SLC4A4: variants seen among roughly 807,000 people sequenced by gnomAD.
The protein encoded by SLC4A4 is electrogenic sodium bicarbonate cotransporter 1.
SLC4A4 carries 27 observed loss-of-function variants against 111.5 expected under a neutral mutation model. The ratio of observed to expected loss-of-function variants is 0.24; its 90% CI spans 0.18 to 0.33. The LOEUF (loss-of-function observed/expected upper bound fraction) is 0.33. Among genes scored for constraint, SLC4A4 ranks in the 10% least tolerant of loss-of-function variants. The pLI is 1.00. For synonymous variants in SLC4A4, 443 were observed against 463.4 expected (o/e 0.96, Z 0.57); for missense variants, 909 against 1,315.5 (o/e 0.69, Z 4.78).
intron 8 of SLC4A4, among the ~76,000 whole-genome samples, chr4:71,443,265 C>T (rs138395287): frequency 1.5e-4 from 22 of 151,144 alleles, no homozygotes; most frequent in African/African-American, 4.9e-4. Context: ...ATTCTCCTGC[C>T]TCAACCTCCT....
intron 4 of SLC4A4, among the ~76,000 whole-genome samples, chr4:71,341,751 C>G (rs1306011244): frequency 1.3e-5 from 2 of 151,970 alleles, no homozygotes; most frequent in East Asian, 3.9e-4. Context: ...ATTTTTAATA[C>G]TGGAGAAGCT....
chr4:71,543,885 A>G (rs1236043286), intron 18 of SLC4A4, among the ~76,000 whole-genome samples: 1 of 116,712 alleles, frequency 8.6e-6, no homozygotes, highest in African/African-American at 3.1e-5. Flanking sequence ...CTGTGAATTT[A>G]CAATAAAGTG....
intron 2 of SLC4A4, among the ~76,000 whole-genome samples, chr4:71,148,775 C>T (rs923299452): frequency 3.9e-5 from 6 of 152,180 alleles, no homozygotes; most frequent in Non-Finnish European, 7.4e-5. Flanking sequence ...ATGTGTACCA[C>T]ATTTCCTTTA....
chr4:71,345,670 A>C (rs1029540766), intron 4 of SLC4A4, among the ~76,000 whole-genome samples: 6 of 152,054 alleles, frequency 3.9e-5, no homozygotes, highest in African/African-American at 1.4e-4. Flanking sequence ...AAGCACCAAC[A>C]TGTGCACTTA....
At chr4:71,309,622 C>T (rs1045621149) in intron 3 of SLC4A4, among the ~76,000 whole-genome samples, 2 of 152,098 alleles carry the variant, frequency 1.3e-5, no homozygotes, top group African/African-American at 4.8e-5. Flanking sequence ...AAACAAGAAG[C>T]AATAACGTCA....
At chr4:71,103,325 G>C (rs1248809087) in intron 2 of SLC4A4, among the ~76,000 whole-genome samples, 1 of 152,066 alleles carries the variant, frequency 6.6e-6, no homozygotes, top group Non-Finnish European at 1.5e-5. Flanking sequence ...AATAATGGGA[G>C]ACTTTAACAT....
intron 1 of SLC4A4, among the ~76,000 whole-genome samples, chr4:71,082,344 C>A (rs987800054): frequency 1.3e-5 from 2 of 151,100 alleles, no homozygotes; most frequent in Non-Finnish European, 3.0e-5. Flanking sequence ...CTGTCCCCCC[C>A]ACCACTATAG....
At chr4:71,306,050 C>T (rs1725658962) in intron 3 of SLC4A4, among the ~76,000 whole-genome samples, 1 of 152,200 alleles carries the variant, frequency 6.6e-6, no homozygotes, top group Non-Finnish European at 1.5e-5. Context: ...GCAAGCTGGA[C>T]TTGTTTTCAA....
intron 2 of SLC4A4, among the ~76,000 whole-genome samples, chr4:71,156,266 G>A (rs1361960801): frequency 6.6e-6 from 1 of 151,964 alleles, no homozygotes; most frequent in Admixed American, 6.6e-5. Context: ...ACCTCAGAAA[G>A]GTTTTTTGAT....
intron 1 of SLC4A4, among the ~76,000 whole-genome samples, chr4:71,066,217 G>A (rs1741512771): frequency 6.6e-6 from 1 of 152,170 alleles, no homozygotes; most frequent in Non-Finnish European, 1.5e-5. Context: ...ATAATGCTGA[G>A]ATTTGAACCA....
chr4:71,158,963 C>G (rs867039590), intron 2 of SLC4A4, among the ~76,000 whole-genome samples: 1 of 152,102 alleles, frequency 6.6e-6, no homozygotes, highest in Admixed American at 6.6e-5. Context: ...CATGAAATAC[C>G]TGGGTGGATT....
At chr4:71,149,391 A>T (rs1283408789) in intron 2 of SLC4A4, among the ~76,000 whole-genome samples, 2 of 152,138 alleles carry the variant, frequency 1.3e-5, no homozygotes, top group East Asian at 1.9e-4. Flanking sequence ...GGCATTGATT[A>T]AAAAAGGTTA....
chr4:71,137,406 G>A (rs1351160989), intron 2 of SLC4A4, among the ~76,000 whole-genome samples: 1 of 152,242 alleles, frequency 6.6e-6, no homozygotes, highest in Non-Finnish European at 1.5e-5. Flanking sequence ...GGCATGGAAA[G>A]TGGTGCTTAG....
At chr4:71,361,224 T>A (rs1286304863) in intron 6 of SLC4A4, among the ~76,000 whole-genome samples, 1 of 152,230 alleles carries the variant, frequency 6.6e-6, no homozygotes, top group Non-Finnish European at 1.5e-5. Context: ...ATAAATATGG[T>A]TCTTTCCCCT....
chr4:71,402,751 T>C lies in SLC4A4; in HGVS notation c.807+5098T>C, dbSNP rs536162951. ...TCTCTCTGGCTCAGCACCTACAGCTTTCCTTCAGCCAGGTGTCCCTGAGGG... is the reference window on the plus strand; with the variant it reads ...TCTCTCTGGCTCAGCACCTACAGCTCTCCTTCAGCCAGGTGTCCCTGAGGG... On this transcript the variant is annotated intron_variant, in intron 7 of 25. Coordinates refer to ENST00000264485, the MANE Select transcript of SLC4A4 (RefSeq NM_001098484.3). Among the ~76,000 whole-genome samples the C allele has an allele frequency of 4.6e-5, 7 of 152,310 alleles. No individual in the cohort carries two copies. In the South Asian group the frequency reaches 1.5e-3, roughly 32 times the overall value.
At chr4:71,531,987 T>C in intron 16 of SLC4A4, 75 bp from the exon 17 acceptor site, 2 of 850,118 alleles carry the variant, frequency 2.4e-6, no homozygotes, top group South Asian at 2.8e-5. Flanking sequence ...TACAAAGTTC[T>C]TCATTCAGTT....
At chr4:71,308,718 C>A (rs1416444885) in intron 3 of SLC4A4, among the ~76,000 whole-genome samples, 3 of 152,190 alleles carry the variant, frequency 2.0e-5, no homozygotes, top group Admixed American at 1.3e-4. Context: ...AATCCGCAGA[C>A]CAGGAGATTC....
At chr4:71,099,020 A>G (rs966249370) in intron 2 of SLC4A4, among the ~76,000 whole-genome samples, 7 of 152,186 alleles carry the variant, frequency 4.6e-5, no homozygotes, top group African/African-American at 1.7e-4. Context: ...GGAGACTTCA[A>G]TACTCTACTG....
chr4:71,534,258 C>A lies in SLC4A4; in HGVS notation c.2312C>A (p.Pro771Gln). The change falls in exon 18 of 26, where the codon CCA (proline) becomes CAA (glutamine). Residue 771 changes from proline (P) to glutamine (Q), a missense_variant. Pro to Gln is a moderately conservative substitution (Grantham distance 76). Around this residue, in one of 7 missense-constraint regions of SLC4A4, gnomAD observed 264 missense variants for 356.8 expected, o/e 0.74. Transcript: ENST00000264485. ...PTSPNRGWFVPPFGENPWWVC... is the reference protein window; with the variant it reads ...PTSPNRGWFVQPFGENPWWVC... ...AGTCCAAACCGAGGTTGGTTCGTTC[C>A]ACCGTTTGGAGAAAACCCCTGGTGG... 1 of 1,613,642 alleles carries A rather than the reference C, an allele frequency of 6.2e-7. No individual in the cohort carries two copies. The highest frequency in any genetic ancestry group is 8.5e-7 in the Non-Finnish European group (1 of 1,179,778).
Sources: gnomAD v4.1 joint callset for allele counts (sites outside exome capture counted in the v4.1 genomes callset) on GRCh38, gnomAD v4.1.1 for gene constraint, gnomAD v4.1.1 regional missense constraint, MANE v1.5 for transcripts, NCBI Gene and HGNC (gene_info 2026-07-23, HGNC 2026-07-21) for gene names.